KTN1: variants seen among roughly 807,000 people sequenced by gnomAD.
KTN1 encodes kinectin 1, also known as kinectin.
In KTN1, 130 loss-of-function variants were observed where a neutral mutation model predicts 222.5. That is an observed-to-expected ratio of 0.58 (90% CI 0.51 to 0.68). The LOEUF is 0.68. Ranked by LOEUF, KTN1 falls within the 30% of genes least tolerant of loss-of-function variation. The probability of loss-of-function intolerance (pLI) is 0.00; values close to 1 mark genes in which losing one functional copy is unlikely to be tolerated. For synonymous variants in KTN1, 512 were observed against 496.3 expected, an observed-to-expected ratio of 1.03 and a Z score of -0.42; for missense variants, 1,508 against 1,500.4, an observed-to-expected ratio of 1.01 and a Z score of -0.08.
chr14:55,609,324 A>G (rs1165612953), intron 1 of KTN1, among the ~76,000 whole-genome samples: 1 of 152,146 alleles, frequency 6.6e-6, no homozygotes, highest in Non-Finnish European at 1.5e-5. Flanking sequence ...TGCCGAGGAC[A>G]TGATCTCATT....
At chr14:55,610,784 C>T (rs1196919049) in intron 1 of KTN1, among the ~76,000 whole-genome samples, 2 of 152,234 alleles carry the variant, frequency 1.3e-5, no homozygotes, top group African/African-American at 4.8e-5. Context: ...AGAATCTCAA[C>T]ATCAGAATCA....
At chr14:55,588,014 C>G (rs973474471) in intron 1 of KTN1, among the ~76,000 whole-genome samples, 2 of 151,988 alleles carry the variant, frequency 1.3e-5, no homozygotes, top group Non-Finnish European at 2.9e-5. Flanking sequence ...TACAGCTGAC[C>G]TTTGGACAAT....
At chr14:55,588,163 T>A (rs2033404859) in intron 1 of KTN1, among the ~76,000 whole-genome samples, 1 of 152,206 alleles carries the variant, frequency 6.6e-6, no homozygotes, top group African/African-American at 2.4e-5. Flanking sequence ...AACATGTATA[T>A]TGTACGTTAT....
At chr14:55,619,019 C>G (rs1437217255) in intron 4 of KTN1, among the ~76,000 whole-genome samples, 163 bp from the exon 5 acceptor site, 1 of 151,550 alleles carries the variant, frequency 6.6e-6, no homozygotes, top group African/African-American at 2.4e-5. Flanking sequence ...CCTTTTTTTC[C>G]TCTTGACTGG....
intron 7 of KTN1, among the ~76,000 whole-genome samples, chr14:55,631,420 G>A (rs1328440076): frequency 6.9e-6 from 1 of 145,198 alleles, no homozygotes; most frequent in Non-Finnish European, 1.5e-5. Context: ...ATATTTTGAG[G>A]CATTATTATC....
Position 55,606,513 on chromosome 14 carries a change from A to G in KTN1, c.-30-5506A>G, listed in dbSNP as rs76392169. On this transcript the variant is annotated intron_variant, in intron 1 of 43. Coordinates refer to ENST00000395314, the MANE Select transcript of KTN1 (RefSeq NM_001079521.2). ...GTTGAAGGACAGAAATATTGATAAA[A>G]TTAGTTTTTTTGTGTCATTTGTTTT... 6.0e-3 allele frequency among the ~76,000 whole-genome samples: 920 copies of G among 152,238 alleles called. 8 individuals carry two copies. Among genetic ancestry groups the G allele is most frequent in the South Asian group, 0.023 (110 of 4,824 alleles).
chr14:55,646,547 T>TTCCTTTCCTTTCCTTTC (rs2042375676), intron 18 of KTN1, among the ~76,000 whole-genome samples: 1 of 145,106 alleles, frequency 6.9e-6, no homozygotes, highest in African/African-American at 2.6e-5. Context: ...TTCCTTTCCT[T>TTCCTTTCCTTTCCTTTC]CTCTCTTTCT....
chr14:55,650,537 T>C, intron 23 of KTN1, 32 bp from the exon 24 acceptor site: 3 of 1,566,474 alleles, frequency 1.9e-6, no homozygotes, highest in Non-Finnish European at 2.6e-6. Context: ...GTGTTTCCAT[T>C]GTCCAATCTT....
At chr14:55,623,985 T>G (rs1160845993) in intron 5 of KTN1, among the ~76,000 whole-genome samples, 2 of 152,320 alleles carry the variant, frequency 1.3e-5, no homozygotes, top group Admixed American at 1.3e-4. Context: ...CTTTATCTAT[T>G]TTAGGCAGGC....
At chr14:55,630,182 C>A in intron 7 of KTN1, 85 bp downstream of exon 7, 1 of 1,218,200 alleles carries the variant, frequency 8.2e-7, no homozygotes, top group Non-Finnish European at 1.2e-6. Context: ...TGTACAAGGC[C>A]CTTTCTTGGG....
chr14:55,601,674 C>T (rs1255190537), intron 1 of KTN1: 1 of 152,110 alleles, frequency 6.6e-6, no homozygotes, highest in Non-Finnish European at 1.5e-5. Context: ...AATATACTTA[C>T]AAACATTTAA....
At chr14:55,663,819 T>C (rs2044405896) in intron 32 of KTN1, 136 bp from the exon 33 acceptor site, 1 of 585,836 alleles carries the variant, frequency 1.7e-6, no homozygotes, top group Non-Finnish European at 3.0e-6. Flanking sequence ...ATTTTTTTGC[T>C]AATATGCATA....
chr14:55,602,499 A>G (rs2036124080), intron 1 of KTN1, among the ~76,000 whole-genome samples: 2 of 152,226 alleles, frequency 1.3e-5, no homozygotes, highest in Admixed American at 1.3e-4. Context: ...CAAAAACTTC[A>G]GTGGAAGATT....
intron 1 of KTN1, among the ~76,000 whole-genome samples, chr14:55,591,051 T>G (rs983297598): frequency 6.6e-6 from 1 of 150,444 alleles, no homozygotes; most frequent in Non-Finnish European, 1.5e-5. Context: ...ACAACCTGTT[T>G]CCTGTTGGAC....
Position 55,670,825 on chromosome 14 carries a change from G to C in KTN1, c.3348+16G>C, listed in dbSNP as rs1480357818. 1.3e-6 allele frequency: 2 copies of C among 1,519,176 alleles called. No homozygotes were observed. The highest frequency in any genetic ancestry group is 2.3e-5 in the East Asian group (1 of 43,964). The allele number at this position is 1,519,176 out of a possible 1,614,324, so 94.1% of individuals were successfully genotyped here. On this transcript the variant is annotated intron_variant, in intron 35 of 43. Coordinates refer to ENST00000395314, the MANE Select transcript of KTN1 (RefSeq NM_001079521.2). ...GGAGGTTAAGGTTAGTTCAGCAAATGAACTGTTTGTAATTTAAACATAGAA... is the reference window on the plus strand; with the variant it reads ...GGAGGTTAAGGTTAGTTCAGCAAATCAACTGTTTGTAATTTAAACATAGAA...
chr14:55,616,127 C>T (rs1260118745), intron 2 of KTN1, among the ~76,000 whole-genome samples: 1 of 151,948 alleles, frequency 6.6e-6, no homozygotes, highest in African/African-American at 2.4e-5. Flanking sequence ...GATGAGGTTT[C>T]ACCACTTTGC....
At chr14:55,643,906 G>A (rs1344093753) in intron 18 of KTN1, among the ~76,000 whole-genome samples, 1 of 152,126 alleles carries the variant, frequency 6.6e-6, no homozygotes, top group Non-Finnish European at 1.5e-5. Flanking sequence ...AGTATGAGAT[G>A]TGCTTTTGTT....
At chr14:55,636,078 A>G (rs183819822) in intron 9 of KTN1, among the ~76,000 whole-genome samples, 91 of 152,328 alleles carry the variant, frequency 6.0e-4, no homozygotes, top group Non-Finnish European at 8.8e-5. Flanking sequence ...AGATTTAGCA[A>G]TAAAGACACC....
chr14:55,650,366 A>G lies in KTN1; in HGVS notation c.2444A>G (p.Glu815Gly). Reference sequence around the variant, plus strand: ...GATGGAAAGATCAAGTCTGTAGAAGAGCTTCTGGAGGCAGAACTTCTCAAA... The same window carrying G: ...GATGGAAAGATCAAGTCTGTAGAAGGGCTTCTGGAGGCAGAACTTCTCAAA... ...EKDGKIKSVE[E>G]LLEAELLKVA... Residue 815 changes from glutamate (E) to glycine (G), a missense_variant, in exon 23 of 44, where the codon GAG (glutamate) becomes GGG (glycine). By Grantham distance (98) the Glu-to-Gly change is moderately conservative. Transcript: ENST00000395314. 6.2e-7 allele frequency: 1 copy of G among 1,611,134 alleles called. No individual in the cohort carries two copies. The highest frequency in any genetic ancestry group is 8.5e-7 in the Non-Finnish European group (1 of 1,178,884).
Sources: allele counts gnomAD v4.1 joint callset (sites outside exome capture counted in the v4.1 genomes callset), GRCh38; gene constraint gnomAD v4.1.1; transcripts MANE v1.5; gene names NCBI Gene and HGNC (gene_info 2026-07-23, HGNC 2026-07-21).